ANO2: variants seen among roughly 807,000 people sequenced by gnomAD.
The protein encoded by ANO2 is anoctamin 2.
A neutral mutation model predicts 124.2 loss-of-function variants in ANO2; 101 were observed. That is an observed-to-expected ratio of 0.81 (90% CI 0.69 to 0.96). The LOEUF is 0.96. Among genes scored for constraint, ANO2 ranks in the 40% least tolerant of loss-of-function variants. ANO2 has a pLI of 0.00. For synonymous variants in ANO2, 486 were observed against 482.5 expected, an observed-to-expected ratio of 1.01 and a Z score of -0.09; for missense variants, 1,293 against 1,274.5, an observed-to-expected ratio of 1.01 and a Z score of -0.22.
intron 14 of ANO2, among the ~76,000 whole-genome samples, chr12:5,656,439 C>A (rs1947157901): frequency 6.6e-6 from 1 of 151,766 alleles, no homozygotes; most frequent in African/African-American, 2.4e-5. Flanking sequence ...GAGGCATTCC[C>A]TTGGGTTATT....
chr12:5,624,609 C>G (rs989955857), intron 16 of ANO2, among the ~76,000 whole-genome samples: 1 of 152,118 alleles, frequency 6.6e-6, no homozygotes, highest in African/African-American at 2.4e-5. Context: ...CTGCCTTTCC[C>G]ACCATTATCT....
At chr12:5,584,869 C>T (rs772816400) in intron 20 of ANO2, among the ~76,000 whole-genome samples, 117 of 152,182 alleles carry the variant, frequency 7.7e-4, no homozygotes, top group Non-Finnish European at 1.4e-3. Flanking sequence ...GTCCATCACT[C>T]ACCATCCACT....
intron 13 of ANO2, among the ~76,000 whole-genome samples, chr12:5,735,586 T>C (rs1950826148): frequency 1.3e-5 from 2 of 152,102 alleles, no homozygotes; most frequent in African/African-American, 2.4e-5. Context: ...AGGATAAGAA[T>C]AGCAGAAGAA....
rs780406953 is a variant in ANO2, at chr12:5,830,435, A to C, written c.840T>G (p.Ile280Met). 6.2e-7 allele frequency: 1 copy of C among 1,612,668 alleles called. No homozygotes were observed. Among genetic ancestry groups the C allele is most frequent in the South Asian group, 1.1e-5 (1 of 90,466 alleles). ...TAACACAGTACATCCATTTACTTAC[A>C]ATGCGGCTGCGGGTGGCATTATCAA... is the stretch of plus-strand genomic sequence containing the variant. ...TFFDNATRSR[I>M]VHEILKRTAC... Residue 280 changes from isoleucine to methionine, a missense_variant and splice_region_variant, in exon 6 of 25, where the codon ATT (isoleucine) becomes ATG (methionine). Ile to Met is a conservative substitution (Grantham distance 10, BLOSUM62 1). Transcript: ENST00000682330.
chr12:5,698,295 C>T (rs531851182), intron 14 of ANO2, among the ~76,000 whole-genome samples: 41 of 152,282 alleles, frequency 2.7e-4, no homozygotes, highest in African/African-American at 9.1e-4. Context: ...CTGCAATATT[C>T]GCTGTTCTGC....
In ANO2 at chr12:5,816,946, T is replaced by C. The variant is rs553340327; in HGVS notation, c.893-9578A>G. On this transcript the variant is annotated intron_variant, in intron 7 of 24. Coordinates refer to ENST00000682330, the MANE Select transcript of ANO2 (RefSeq NM_001364791.2). ...CGTTTCTCTAACATCATTTGACACATAGCAGGTGCTCATTAAATGTTTTTT... is the reference window on the plus strand; with the variant it reads ...CGTTTCTCTAACATCATTTGACACACAGCAGGTGCTCATTAAATGTTTTTT... Among the ~76,000 whole-genome samples the C allele has an allele frequency of 2.1e-3, 315 of 152,246 alleles. 1 individual carries two copies. The highest frequency in any genetic ancestry group is 7.1e-3 in the African/African-American group (297 of 41,542).
At position 5,732,748 on chromosome 12, in the gene ANO2, T is replaced by C. The variant is rs1035975466; in HGVS notation, c.1435-118A>G. On this transcript the variant is annotated intron_variant, in intron 13 of 24. Transcript: ENST00000682330. ...GTTTAGGATTGGATGCTATTGGATATGAACTGCCCCACCACACACAATCAC... is the reference window on the plus strand; with the variant it reads ...GTTTAGGATTGGATGCTATTGGATACGAACTGCCCCACCACACACAATCAC... 5.2e-6 allele frequency: 8 copies of C among 1,538,496 alleles called. No individual in the cohort carries two copies. The African/African-American group carries it at 8.2e-5, about 16-fold the overall frequency.
chr12:5,693,106 T>C (rs1949014929), intron 14 of ANO2, among the ~76,000 whole-genome samples: 2 of 152,252 alleles, frequency 1.3e-5, no homozygotes, highest in Non-Finnish European at 2.9e-5. Flanking sequence ...GACATCTCTC[T>C]TCTTTATCTG....
At chr12:5,754,274 G>C (rs937456960) in intron 10 of ANO2, among the ~76,000 whole-genome samples, 3 of 151,958 alleles carry the variant, frequency 2.0e-5, no homozygotes, top group African/African-American at 7.3e-5. Flanking sequence ...AACCCTTCTT[G>C]GTCATGGTGT....
At chr12:5,866,069 C>T (rs560044634) in intron 3 of ANO2, among the ~76,000 whole-genome samples, 2 of 152,314 alleles carry the variant, frequency 1.3e-5, no homozygotes, top group East Asian at 3.9e-4. Context: ...CAAGCCTATG[C>T]CCAATTAGTT....
chr12:5,843,789 A>G (rs1267505168), intron 4 of ANO2, among the ~76,000 whole-genome samples: 1 of 152,186 alleles, frequency 6.6e-6, no homozygotes, highest in Non-Finnish European at 1.5e-5. Flanking sequence ...TCACAACCCA[A>G]ACAAGATGCT....
In ANO2 at chr12:5,758,442, T is replaced by C. The variant is rs573797810; in HGVS notation, c.1056-7472A>G. On this transcript the variant is annotated intron_variant, in intron 10 of 24. Coordinates refer to ENST00000682330, the MANE Select transcript of ANO2 (RefSeq NM_001364791.2). ...CTATTTCCCTCCACAGCCCCACTTA[T>C]AGTAAACAAGTGATAAGCTCCATTT... Among the ~76,000 whole-genome samples the C allele has an allele frequency of 3.2e-4, 49 of 152,284 alleles. 1 individual carries two copies. The South Asian group carries it at 9.8e-3, about 30-fold the overall frequency.
intron 5 of ANO2, among the ~76,000 whole-genome samples, chr12:5,830,737 T>C (rs990096511): frequency 1.3e-5 from 2 of 152,168 alleles, no homozygotes; most frequent in African/African-American, 4.8e-5. Context: ...ATTGAAAAGG[T>C]ATTTATAACA....
chr12:5,767,195 G>A (rs1003266370), intron 10 of ANO2, among the ~76,000 whole-genome samples: 1 of 152,188 alleles, frequency 6.6e-6, no homozygotes, highest in Non-Finnish European at 1.5e-5. Flanking sequence ...CTCAGGAGAC[G>A]GATGAAAGGC....
chr12:5,680,897 G>A (rs1948458913), intron 14 of ANO2, among the ~76,000 whole-genome samples: 1 of 152,170 alleles, frequency 6.6e-6, no homozygotes, highest in Non-Finnish European at 1.5e-5. Flanking sequence ...CTATAGGAGG[G>A]AGACAAGGTT....
chr12:5,634,134 C>T (rs1038798760), intron 16 of ANO2, among the ~76,000 whole-genome samples: 13 of 152,274 alleles, frequency 8.5e-5, no homozygotes, highest in African/African-American at 3.1e-4. Context: ...CAAATATGCA[C>T]ATGCCTGGAA....
At chr12:5,708,666 G>T (rs377467188) in intron 14 of ANO2, among the ~76,000 whole-genome samples, 4 of 152,134 alleles carry the variant, frequency 2.6e-5, no homozygotes, top group African/African-American at 9.7e-5. Flanking sequence ...TGCAAGATAG[G>T]GATAATAAAG....
chr12:5,638,709 T>C (rs1013278402), intron 15 of ANO2, among the ~76,000 whole-genome samples: 18 of 152,036 alleles, frequency 1.2e-4, no homozygotes, highest in Admixed American at 1.0e-3. Flanking sequence ...GCGCCTCCCG[T>C]AGAACTGGTT....
intron 14 of ANO2, 109 bp from the exon 15 acceptor site, chr12:5,647,910 G>A (rs1946730002): frequency 2.5e-6 from 2 of 805,130 alleles, no homozygotes; most frequent in African/African-American, 3.4e-5. Flanking sequence ...ACTCTATATA[G>A]ATATATTTCT....
Sources: allele counts gnomAD v4.1 joint callset (sites outside exome capture counted in the v4.1 genomes callset), GRCh38; gene constraint gnomAD v4.1.1; transcripts MANE v1.5; gene names NCBI Gene and HGNC (gene_info 2026-07-23, HGNC 2026-07-21).